The following PTPN3 variants were observed in gnomAD, a reference collection of about 807,000 sequenced individuals.
PTPN3 encodes tyrosine-protein phosphatase non-receptor type 3.
PTPN3 carries 96 observed loss-of-function variants against 132.7 expected under a neutral mutation model. That is an observed-to-expected ratio of 0.72 (90% CI 0.61 to 0.86). PTPN3 has a LOEUF of 0.86. Ranked by LOEUF, PTPN3 falls within the 40% of genes least tolerant of loss-of-function variation. The pLI is 0.00. For missense variants in PTPN3, 1,125 were observed against 1,159.6 expected (o/e 0.97, Z 0.43); for synonymous variants, 398 against 429.0 (o/e 0.93, Z 0.89).
At chr9:109,383,381 C>G in intron 23 of PTPN3, 42 bp downstream of exon 23, 1 of 1,613,856 alleles carries the variant, frequency 6.2e-7, no homozygotes, top group East Asian at 2.2e-5. Flanking sequence ...GCCGCTGATT[C>G]AGCACCTGCC....
At chr9:109,413,119 T>A (rs1382358737) in intron 14 of PTPN3, among the ~76,000 whole-genome samples, 1 of 151,686 alleles carries the variant, frequency 6.6e-6, no homozygotes, top group Non-Finnish European at 1.5e-5. Context: ...GCTAATTTTT[T>A]TTTTTTTTGT....
rs951394208 is a variant in PTPN3 at position 109,376,170 on chromosome 9, A to G, written c.*3386T>C. 1.3e-5 allele frequency: 2 copies of G among 152,210 alleles called. No individual in the cohort carries two copies. The highest frequency in any genetic ancestry group is 2.9e-5 in the Non-Finnish European group (2 of 68,046). The allele number at this position is 152,210 out of a possible 1,614,324, so 9.4% of individuals were successfully genotyped here. ...TCCCAGAATGGCAAATCTTGACCTCATCTAGTCCAGCCCAACCTTCCCTTT... is the reference window on the plus strand; with the variant it reads ...TCCCAGAATGGCAAATCTTGACCTCGTCTAGTCCAGCCCAACCTTCCCTTT... On this transcript the variant is annotated 3_prime_UTR_variant, in exon 26 of 26. Transcript: ENST00000374541.
At position 109,406,442 on chromosome 9, in the gene PTPN3, T is replaced by TC. The variant is rs753446571; in HGVS notation, c.1792+19dup. ...GCTAGGACAGCTTCCCTATGGCTCCTCCCCCCAGGTGGCCATTACCTCTCC... is the reference window on the plus strand; with the variant it reads ...GCTAGGACAGCTTCCCTATGGCTCCTCCCCCCCAGGTGGCCATTACCTCTCC... On this transcript the variant is annotated intron_variant, in intron 18 of 25. Transcript: ENST00000374541. 12 of 1,606,858 alleles carry TC rather than the reference T, an allele frequency of 7.5e-6. No individual in the cohort carries two copies. Among genetic ancestry groups the TC allele is most frequent in the South Asian group, 1.1e-5 (1 of 90,568 alleles).
chr9:109,520,569 T>TC, the PTPN3 span, among the ~76,000 whole-genome samples: 2 of 152,232 alleles, frequency 1.3e-5, no homozygotes, highest in African/African-American at 4.8e-5. Flanking sequence ...TCTCTGGGCT[T>TC]CAACTGTTCC....
chr9:109,391,086 G>C, intron 21 of PTPN3, 52 bp downstream of exon 21: 2 of 1,530,038 alleles, frequency 1.3e-6, no homozygotes, highest in Admixed American at 1.7e-5. Flanking sequence ...CCTCATCATC[G>C]TTGCGACAGT....
upstream of PTPN3, among the ~76,000 whole-genome samples, chr9:109,499,238 C>T (rs1588520096): frequency 6.6e-6 from 1 of 152,026 alleles, no homozygotes; most frequent in African/African-American, 2.4e-5. Context: ...AGATTTGGGG[C>T]TGGAGGTAAG....
the PTPN3 span, among the ~76,000 whole-genome samples, chr9:109,527,844 G>T: frequency 3.9e-5 from 6 of 152,124 alleles, no homozygotes; most frequent in Non-Finnish European, 4.4e-5. Flanking sequence ...ACTGATAAGG[G>T]ATATTAGCAA....
At chr9:109,516,374 T>C in the PTPN3 span, among the ~76,000 whole-genome samples, 1 of 152,196 alleles carries the variant, frequency 6.6e-6, no homozygotes, top group Non-Finnish European at 1.5e-5. Flanking sequence ...ACTAATCCTG[T>C]CTGGTGGGTT....
chr9:109,419,198 G>A (rs977337394), intron 14 of PTPN3, among the ~76,000 whole-genome samples: 9 of 152,200 alleles, frequency 5.9e-5, no homozygotes, highest in Admixed American at 5.9e-4. Flanking sequence ...TTTAACCAGA[G>A]GTGTTAAGAA....
rs1385111987 is a variant in PTPN3 at position 109,391,140 on chromosome 9, T to C, written c.2104A>G (p.Asn702Asp). ...CATCATCCAGATTCCTAACTTACGTTCACGTAACTTGCATTAATATAATCT... is the reference window on the plus strand; with the variant it reads ...CATCATCCAGATTCCTAACTTACGTCCACGTAACTTGCATTAATATAATCT... ...NEDYINASYV[N>D]MEIPAANLVN... The change falls in exon 21 of 26, where the codon AAC becomes GAC. Residue 702 changes from asparagine to aspartate, a missense_variant and splice_region_variant. Transcript: ENST00000374541. 2.5e-6 allele frequency: 4 copies of C among 1,612,484 alleles called. No homozygotes were observed. The highest frequency in any genetic ancestry group is 3.4e-6 in the Non-Finnish European group (4 of 1,178,812).
rs1838908694 is a variant in PTPN3, at chr9:109,380,011, AG to A, written c.2665-379del. On this transcript the variant is annotated intron_variant, in intron 25 of 25. Transcript: ENST00000374541. ...TCAACACCTAGGCATGTGGAGGAGG[AG>A]GGGCTGCACAGGTGGGCTGGGACCT... Among the ~76,000 whole-genome samples, 6 of 152,170 alleles carry A rather than the reference AG, an allele frequency of 3.9e-5. No homozygotes were observed. In the South Asian group the frequency reaches 1.2e-3, roughly 32 times the overall value.
chr9:109,384,345 T>C (rs1839381054), intron 22 of PTPN3, among the ~76,000 whole-genome samples: 1 of 152,196 alleles, frequency 6.6e-6, no homozygotes, highest in Non-Finnish European at 1.5e-5. Context: ...AAGGCTTTCT[T>C]AGGTGACGCC....
intron 22 of PTPN3, among the ~76,000 whole-genome samples, chr9:109,388,297 C>T (rs1460807969): frequency 6.6e-6 from 1 of 152,040 alleles, no homozygotes; most frequent in Non-Finnish European, 1.5e-5. Context: ...GAAACATGCA[C>T]CCTGGATTTC....
intron 1 of PTPN3, among the ~76,000 whole-genome samples, chr9:109,466,355 T>C (rs1204048985): frequency 6.6e-6 from 1 of 152,196 alleles, no homozygotes; most frequent in East Asian, 1.9e-4. Context: ...AAGTAGAATG[T>C]AGCTAGCTAC....
chr9:109,429,325 G>A (rs761305794), intron 10 of PTPN3, among the ~76,000 whole-genome samples: 1 of 152,132 alleles, frequency 6.6e-6, no homozygotes, highest in Non-Finnish European at 1.5e-5. Context: ...GCCAGGACCT[G>A]CACCCCGGTC....
chr9:109,498,763 C>T (rs1847801601), upstream of PTPN3, among the ~76,000 whole-genome samples: 1 of 152,204 alleles, frequency 6.6e-6, no homozygotes, highest in Admixed American at 6.5e-5. This position sits in a 1 kb window ranked among gnomAD's most constrained non-coding sequence, Gnocchi z 4.2. Context: ...TGTGCTCCTG[C>T]TTCCCACCTC....
intron 7 of PTPN3, among the ~76,000 whole-genome samples, chr9:109,443,639 T>C (rs1412752082): frequency 6.6e-6 from 1 of 152,172 alleles, no homozygotes; most frequent in Non-Finnish European, 1.5e-5. Context: ...CCTCAGCTGA[T>C]TGGCCTGGCA....
At chr9:109,487,983 T>G (rs1847287606) in intron 1 of PTPN3, among the ~76,000 whole-genome samples, 1 of 152,170 alleles carries the variant, frequency 6.6e-6, no homozygotes, top group Non-Finnish European at 1.5e-5. Context: ...AAGGTTTTTC[T>G]GAGGTCACTT....
chr9:109,451,380 C>T (rs1845237545), intron 5 of PTPN3: 2 of 970,920 alleles, frequency 2.1e-6, no homozygotes, highest in Non-Finnish European at 2.4e-6. Context: ...GGGATACCAC[C>T]CTTCTTAAGA....
Sources: allele counts gnomAD v4.1 joint callset (sites outside exome capture counted in the v4.1 genomes callset), GRCh38; gene constraint gnomAD v4.1.1; non-coding constraint Gnocchi (gnomAD v3.1); transcripts MANE v1.5; gene names NCBI Gene and HGNC (gene_info 2026-07-23, HGNC 2026-07-21).